Variants in WDPCP observed in about 807,000 individuals in gnomAD.
The protein encoded by WDPCP is WD repeat-containing and planar cell polarity effector protein fritz homolog.
A neutral mutation model predicts 93.1 loss-of-function variants in WDPCP; 71 were observed. The observed-to-expected ratio is 0.76, with a 90% confidence interval of 0.63 to 0.93. The LOEUF is 0.93. WDPCP is among the 40% of genes least tolerant of loss of function. The pLI is 0.00. For synonymous variants in WDPCP, 315 were observed against 315.0 expected (o/e 1.00, Z 0.00); for missense variants, 844 against 887.4 (o/e 0.95, Z 0.62).
intron 10 of WDPCP, among the ~76,000 whole-genome samples, chr2:63,399,039 G>A (rs927106489): frequency 9.9e-5 from 15 of 151,942 alleles, no homozygotes; most frequent in Admixed American, 4.6e-4. Flanking sequence ...AAAATACTTT[G>A]TAATAAATAT....
intron 12 of WDPCP, among the ~76,000 whole-genome samples, chr2:63,365,944 C>T (rs998340855): frequency 2.0e-5 from 3 of 152,102 alleles, no homozygotes; most frequent in African/African-American, 7.2e-5. Flanking sequence ...CTTAACTGTT[C>T]AATGAGAACT....
rs925524858 is a variant in WDPCP at position 63,771,201 on chromosome 2, C to T, written n.308+42421G>A. 3.3e-5 allele frequency among the ~76,000 whole-genome samples: 5 copies of T among 150,690 alleles called. No homozygotes were observed. The East Asian group carries it at 9.7e-4, about 29-fold the overall frequency. On this transcript the variant is annotated intron_variant and non_coding_transcript_variant, in intron 2 of 4. Transcript: ENST00000467687. ...AAATAAAGGCATGAATCTCTAATAT[C>T]GAGAATGAAAAGGAGATATCACTAT...
chr2:63,353,544 C>A (rs371194876), intron 12 of WDPCP, among the ~76,000 whole-genome samples: 1 of 152,272 alleles, frequency 6.6e-6, no homozygotes, highest in East Asian at 1.9e-4. Flanking sequence ...TCCAGTCAGG[C>A]TTTGGAGAGT....
At position 63,800,702 on chromosome 2, in the gene WDPCP, T is replaced by A. The variant is rs111505739; in HGVS notation, n.308+12920A>T. Among the ~76,000 whole-genome samples the A allele has an allele frequency of 6.4e-4, 97 of 152,342 alleles. 1 individual carries two copies. Among genetic ancestry groups the A allele is most frequent in the African/African-American group, 2.3e-3 (94 of 41,590 alleles). On this transcript the variant is annotated intron_variant and non_coding_transcript_variant, in intron 2 of 4. Coordinates refer to the WDPCP transcript ENST00000467687. Reference sequence around the variant, plus strand: ...ACTTATAGGTAACACTAAGTGCTTCTTGGAAAACAGTGCACCTATTACCAC... The same window carrying A: ...ACTTATAGGTAACACTAAGTGCTTCATGGAAAACAGTGCACCTATTACCAC...
chr2:63,358,906 T>G (rs1051270350), intron 12 of WDPCP, among the ~76,000 whole-genome samples: 1 of 152,260 alleles, frequency 6.6e-6, no homozygotes, highest in African/African-American at 2.4e-5. Context: ...ATTAGTCCCA[T>G]AAATACTTTC....
chr2:63,816,744 G>C (rs531945813), intron 1 of WDPCP, among the ~76,000 whole-genome samples: 1 of 152,244 alleles, frequency 6.6e-6, no homozygotes, highest in East Asian at 1.9e-4. Context: ...CTAATACAGG[G>C]ATATTCCTAA....
intron 1 of WDPCP, among the ~76,000 whole-genome samples, chr2:63,814,766 T>C (rs1670906782): frequency 6.6e-6 from 1 of 152,232 alleles, no homozygotes; most frequent in Non-Finnish European, 1.5e-5. Context: ...AGTTACACTA[T>C]CTACATGTGG....
intron 2 of WDPCP, among the ~76,000 whole-genome samples, chr2:63,733,341 A>G (rs1272002516): frequency 6.7e-6 from 1 of 149,950 alleles, no homozygotes; most frequent in Non-Finnish European, 1.5e-5. Flanking sequence ...CTGGGACTAC[A>G]GGTGCCCGCC....
At chr2:63,549,726 A>C (rs1357159986) in intron 1 of WDPCP, among the ~76,000 whole-genome samples, 3 of 152,192 alleles carry the variant, frequency 2.0e-5, no homozygotes, top group African/African-American at 4.8e-5. Flanking sequence ...AGATCGAGCC[A>C]CTGCAACTCC....
intron 1 of WDPCP, among the ~76,000 whole-genome samples, chr2:63,826,342 T>C (rs1348060368): frequency 6.6e-6 from 1 of 151,420 alleles, no homozygotes; most frequent in African/African-American, 2.4e-5. Flanking sequence ...GTGGGTAATA[T>C]TTGGCAATAT....
intron 14 of WDPCP, among the ~76,000 whole-genome samples, chr2:63,206,915 G>A (rs1412492443): frequency 6.6e-6 from 1 of 152,096 alleles, no homozygotes; most frequent in East Asian, 1.9e-4. Context: ...TACTCACATT[G>A]ATGGGCAACA....
At chr2:63,193,350 A>G (rs1326916582) in intron 14 of WDPCP, among the ~76,000 whole-genome samples, 1 of 152,234 alleles carries the variant, frequency 6.6e-6, no homozygotes, top group Non-Finnish European at 1.5e-5. Context: ...ATATTCTACT[A>G]GAATTACAGC....
At chr2:63,599,233 AT>A in intron 3 of WDPCP, 1 of 1,613,702 alleles carries the variant, frequency 6.2e-7, no homozygotes, top group Non-Finnish European at 8.5e-7. Flanking sequence ...AGCTCCATCC[AT>A]CCCCAAGGAG....
intron 2 of WDPCP, among the ~76,000 whole-genome samples, chr2:63,681,667 A>G (rs1236544865): frequency 6.6e-6 from 1 of 152,122 alleles, no homozygotes; most frequent in Non-Finnish European, 1.5e-5. Context: ...CTGATTGTAG[A>G]GCCCCAAGGC....
At chr2:63,370,086 C>A (rs1468949618) in intron 12 of WDPCP, among the ~76,000 whole-genome samples, 1 of 152,020 alleles carries the variant, frequency 6.6e-6, no homozygotes, top group Non-Finnish European at 1.5e-5. Flanking sequence ...GTTATTTATA[C>A]CTATATTATG....
intron 12 of WDPCP, among the ~76,000 whole-genome samples, chr2:63,346,914 T>C (rs1689232269): frequency 6.6e-6 from 1 of 152,242 alleles, no homozygotes; most frequent in Non-Finnish European, 1.5e-5. Flanking sequence ...CAGAGTCCTA[T>C]ACTGTCAATC....
chr2:63,596,122 A>G (rs548391562), intron 3 of WDPCP, among the ~76,000 whole-genome samples: 23 of 152,350 alleles, frequency 1.5e-4, no homozygotes, highest in African/African-American at 5.3e-4. Flanking sequence ...TATAATAAGG[A>G]AGCCTTAAAT....
chr2:63,780,463 C>A (rs938248658), intron 2 of WDPCP, among the ~76,000 whole-genome samples: 4 of 152,148 alleles, frequency 2.6e-5, no homozygotes, highest in African/African-American at 9.7e-5. Flanking sequence ...TACTCCTTAC[C>A]AGAAGGATAC....
intron 1 of WDPCP, among the ~76,000 whole-genome samples, chr2:63,824,536 T>TC (rs1168760563): frequency 2.0e-3 from 13 of 6,344 alleles, no homozygotes; most frequent in African/African-American, 1.4e-3. Flanking sequence ...CGACCATGTT[T>TC]CAAAAAAAAA....
Sources: gnomAD v4.1 joint callset for allele counts (sites outside exome capture counted in the v4.1 genomes callset) on GRCh38, gnomAD v4.1.1 for gene constraint, MANE v1.5 for transcripts, NCBI Gene and HGNC (gene_info 2026-07-23, HGNC 2026-07-21) for gene names.